CA10: variants seen among roughly 807,000 people sequenced by gnomAD.
CA10 encodes the protein carbonic anhydrase 10 (inactive).
Under a neutral mutation model 44.2 loss-of-function variants are expected in CA10, and 14 were observed. The observed-to-expected ratio is 0.32, with a 90% CI of 0.21 to 0.50. The LOEUF (loss-of-function observed/expected upper bound fraction) is 0.50, where lower values mean the gene tolerates loss of function less well. Among genes scored for constraint, CA10 ranks in the 20% least tolerant of loss-of-function variants. The probability of loss-of-function intolerance (pLI) is 0.99; values close to 1 mark genes in which losing one functional copy is unlikely to be tolerated. For synonymous variants in CA10, 159 were observed against 141.6 expected (o/e 1.12, Z -0.87); for missense variants, 350 against 409.7 (o/e 0.85, Z 1.26).
At chr17:51,719,563 A>C (rs1916284494) in intron 4 of CA10, among the ~76,000 whole-genome samples, 1 of 152,120 alleles carries the variant, frequency 6.6e-6, no homozygotes, top group Admixed American at 6.5e-5. Context: ...TTCATTCATG[A>C]TATCCCAGTC....
intron 4 of CA10, among the ~76,000 whole-genome samples, chr17:51,672,100 G>A (rs1459263615): frequency 6.6e-6 from 1 of 152,124 alleles, no homozygotes; most frequent in Non-Finnish European, 1.5e-5. Flanking sequence ...ACATAAGTTA[G>A]TGCATGTAAA....
At chr17:52,037,484 T>A (rs367571394) in intron 2 of CA10, among the ~76,000 whole-genome samples, 2 of 152,140 alleles carry the variant, frequency 1.3e-5, no homozygotes, top group African/African-American at 4.8e-5. Flanking sequence ...GTGGAATGCA[T>A]TGTGTACATT....
intron 3 of CA10, among the ~76,000 whole-genome samples, chr17:51,849,198 CATATATGTATATATATATAT>C (rs1598079788): frequency 2.8e-4 from 7 of 24,732 alleles, no homozygotes; most frequent in South Asian, 1.3e-3. Context: ...TATATATATA[CATATATGTATATATATATAT>C]ACATATATGT....
chr17:51,992,141 A>C (rs1985064462), intron 2 of CA10, among the ~76,000 whole-genome samples: 1 of 152,002 alleles, frequency 6.6e-6, no homozygotes, highest in African/African-American at 2.4e-5. Context: ...TTCCAATCCT[A>C]TTCTCTTCCT....
intron 1 of CA10, among the ~76,000 whole-genome samples, chr17:52,128,596 G>T (rs1281350419): frequency 6.6e-6 from 1 of 151,808 alleles, no homozygotes; most frequent in Non-Finnish European, 1.5e-5. Flanking sequence ...ATTCTCACAC[G>T]ACACCACTGA....
intron 4 of CA10, among the ~76,000 whole-genome samples, chr17:51,744,085 C>A (rs1031734316): frequency 1.3e-5 from 2 of 151,998 alleles, no homozygotes; most frequent in East Asian, 3.9e-4. Flanking sequence ...TTCGGGAGGC[C>A]GAGGTGGGCA....
intron 3 of CA10, among the ~76,000 whole-genome samples, chr17:51,839,286 A>C (rs1598073879): frequency 6.6e-6 from 1 of 152,088 alleles, no homozygotes; most frequent in East Asian, 1.9e-4. Context: ...AGGTCAGGAG[A>C]TCGAGACCTT....
intron 3 of CA10, among the ~76,000 whole-genome samples, chr17:51,927,072 C>A (rs572732070): frequency 2.0e-4 from 31 of 152,232 alleles, no homozygotes; most frequent in African/African-American, 7.5e-4. Context: ...TTAGATCCTA[C>A]CTTCTATACT....
At chr17:51,782,433 A>T (rs1435669023) in intron 3 of CA10, among the ~76,000 whole-genome samples, 1 of 152,214 alleles carries the variant, frequency 6.6e-6, no homozygotes, top group Non-Finnish European at 1.5e-5. Context: ...TTCATGGAGA[A>T]AACATTTTCT....
chr17:51,747,911 C>G (rs918493231), intron 3 of CA10, 93 bp from the exon 4 acceptor site: 4 of 938,070 alleles, frequency 4.3e-6, no homozygotes, highest in Non-Finnish European at 6.5e-6. Context: ...CCTTTTGCTT[C>G]CTCTTGATGG....
At chr17:52,144,591 T>C (rs1459855278) in intron 1 of CA10, among the ~76,000 whole-genome samples, 1 of 152,202 alleles carries the variant, frequency 6.6e-6, no homozygotes, top group Non-Finnish European at 1.5e-5. Context: ...CATGATTATC[T>C]CCCTTCTTAT....
chr17:51,887,516 C>T (rs1980661293), intron 3 of CA10, among the ~76,000 whole-genome samples: 1 of 152,202 alleles, frequency 6.6e-6, no homozygotes, highest in African/African-American at 2.4e-5. Flanking sequence ...AGTCTTTGGA[C>T]TAACAAATAA....
intron 3 of CA10, among the ~76,000 whole-genome samples, chr17:51,907,040 A>T (rs1313944506): frequency 2.0e-5 from 3 of 152,096 alleles, no homozygotes; most frequent in Non-Finnish European, 2.9e-5. Context: ...TCTTTCCAAT[A>T]TCTATTGAAA....
intron 3 of CA10, among the ~76,000 whole-genome samples, chr17:51,835,654 G>A (rs1314112702): frequency 2.0e-5 from 3 of 152,164 alleles, no homozygotes; most frequent in Admixed American, 6.5e-5. Flanking sequence ...GCAATGGGAG[G>A]GGGTTTAATA....
intron 3 of CA10, among the ~76,000 whole-genome samples, chr17:51,909,436 C>A (rs952309629): frequency 6.6e-6 from 1 of 152,086 alleles, no homozygotes; most frequent in African/African-American, 2.4e-5. Flanking sequence ...GTAAATGCTA[C>A]AAATTTGAAA....
chr17:51,633,427 A>G lies in CA10; in HGVS notation c.964+49T>C, dbSNP rs778198099. Reference sequence around the variant, plus strand: ...CCTTTAAGAACAGGTCTAAGCAGAAAGACTGAGCTCTAGCCTAGATCCTCC... The same window carrying G: ...CCTTTAAGAACAGGTCTAAGCAGAAGGACTGAGCTCTAGCCTAGATCCTCC... On this transcript the variant is annotated intron_variant, in intron 8 of 8. Coordinates refer to ENST00000451037, the MANE Select transcript of CA10 (RefSeq NM_020178.5). 28 of 1,550,168 alleles carry G rather than the reference A, an allele frequency of 1.8e-5. 1 individual carries two copies. In the South Asian group the frequency reaches 3.4e-4, roughly 19 times the overall value.
chr17:51,759,911 T>C (rs1905173857), intron 3 of CA10, among the ~76,000 whole-genome samples: 1 of 152,226 alleles, frequency 6.6e-6, no homozygotes, highest in South Asian at 2.1e-4. Context: ...GGTTATACAT[T>C]GATTCATCTT....
At chr17:52,047,229 A>C (rs1428231950) in intron 2 of CA10, among the ~76,000 whole-genome samples, 1 of 152,018 alleles carries the variant, frequency 6.6e-6, no homozygotes, top group Non-Finnish European at 1.5e-5. Context: ...GATTATATGC[A>C]TATGGTTCTC....
chr17:51,812,133 A>C (rs1907392704), intron 3 of CA10, among the ~76,000 whole-genome samples: 1 of 152,218 alleles, frequency 6.6e-6, no homozygotes, highest in South Asian at 2.1e-4. Flanking sequence ...TAATATGCGG[A>C]AGCCCACCTG....
Sources: gnomAD v4.1 joint callset for allele counts (sites outside exome capture counted in the v4.1 genomes callset) on GRCh38, gnomAD v4.1.1 for gene constraint, MANE v1.5 for transcripts, NCBI Gene and HGNC (gene_info 2026-07-23, HGNC 2026-07-21) for gene names.